Variants in SLC6A18 observed in about 807,000 individuals in gnomAD.
SLC6A18 encodes the protein inactive sodium-dependent neutral amino acid transporter B(0)AT3.
In SLC6A18, 58 loss-of-function variants were observed where a neutral mutation model predicts 62.9. The observed-to-expected ratio is 0.92, with a 90% CI of 0.75 to 1.15. The LOEUF is 1.15. Ranked by LOEUF, SLC6A18 falls within the 50% of genes most tolerant of loss-of-function variation. The pLI, the probability that SLC6A18 is intolerant of heterozygous loss-of-function variation, is 0.00. For synonymous variants in SLC6A18, 382 were observed against 365.8 expected (o/e 1.04, Z -0.51); for missense variants, 793 against 836.6 (o/e 0.95, Z 0.64).
intron 1 of SLC6A18, among the ~76,000 whole-genome samples, chr5:1,227,291 GC>G (rs1362614006): frequency 1.3e-5 from 2 of 152,200 alleles, no homozygotes; most frequent in Admixed American, 1.3e-4. Flanking sequence ...AGCTGGGGAG[GC>G]CCCCACCTGG....
chr5:1,243,799 A>C lies in SLC6A18; in HGVS notation c.1336+40A>C, dbSNP rs1315527768. Reference sequence around the variant, plus strand: ...CCGCCGCCCTGGAGGACCCGTCCCCAGCATCTGACTGTCCACTCCCGCCCG... The same window carrying C: ...CCGCCGCCCTGGAGGACCCGTCCCCCGCATCTGACTGTCCACTCCCGCCCG... On this transcript the variant is annotated intron_variant, in intron 9 of 11. Transcript: ENST00000324642. This position sits in a 1 kb window ranked among gnomAD's most constrained non-coding sequence, Gnocchi z 6.5. The C allele has an allele frequency of 1.3e-6, 2 of 1,541,532 alleles. No homozygotes were observed. The highest frequency in any genetic ancestry group is 3.6e-5 in the Admixed American group (2 of 55,302).
Position 1,243,375 on chromosome 5 carries a change from G to A in SLC6A18, c.1132-180G>A, listed in dbSNP as rs1163873674. Reference sequence around the variant, plus strand: ...GAAGGACCCTCCCCTGCAGAGTTGCGCTTGCAGCCTCGTCTCCCAGAAGGC... The same window carrying A: ...GAAGGACCCTCCCCTGCAGAGTTGCACTTGCAGCCTCGTCTCCCAGAAGGC... On this transcript the variant is annotated intron_variant, in intron 8 of 11. Transcript: ENST00000324642. This position sits in a 1 kb window ranked among gnomAD's most constrained non-coding sequence, Gnocchi z 6.5. Among the ~76,000 whole-genome samples the A allele has an allele frequency of 1.3e-5, 2 of 152,166 alleles. No individual in the cohort carries two copies. Among genetic ancestry groups the A allele is most frequent in the Admixed American group, 6.5e-5 (1 of 15,282 alleles).
chr5:1,231,134 G>A (rs1746720618), intron 1 of SLC6A18, among the ~76,000 whole-genome samples: 1 of 152,186 alleles, frequency 6.6e-6, no homozygotes, highest in African/African-American at 2.4e-5. Flanking sequence ...GGGCCAGGAG[G>A]GTCTGTGGAC....
intron 3 of SLC6A18, among the ~76,000 whole-genome samples, chr5:1,233,945 G>C (rs1480473190): frequency 1.3e-5 from 2 of 152,110 alleles, no homozygotes; most frequent in Admixed American, 1.3e-4. Context: ...GTTTCACCAT[G>C]TTAGCCAGGA....
At chr5:1,226,750 A>G (rs896232888) in intron 1 of SLC6A18, among the ~76,000 whole-genome samples, 15 of 152,178 alleles carry the variant, frequency 9.9e-5, no homozygotes, top group Non-Finnish European at 1.9e-4. Context: ...TGAAAGCACC[A>G]AAGCCCAAGG....
intron 4 of SLC6A18, 46 bp from the exon 5 acceptor site, chr5:1,237,904 G>C (rs1746925621): frequency 6.8e-7 from 1 of 1,476,332 alleles, no homozygotes; most frequent in East Asian, 2.3e-5. Context: ...CTTGTGGACA[G>C]ACCAGAGGCC....
chr5:1,237,621 G>A lies in SLC6A18; in HGVS notation c.622-329G>A, dbSNP rs895163436. Among the ~76,000 whole-genome samples, 97 of 152,176 alleles carry A rather than the reference G, an allele frequency of 6.4e-4. 2 individuals are homozygous for A. The highest frequency in any genetic ancestry group is 8.5e-4 in the Admixed American group (13 of 15,284). On this transcript the variant is annotated intron_variant, in intron 4 of 11. Transcript: ENST00000324642. ...GGTGGCTTGGGAGAGGGAGGCCAGGGAGGGAGTTTGGCCCAGACCCCTCTT... is the reference window on the plus strand; with the variant it reads ...GGTGGCTTGGGAGAGGGAGGCCAGGAAGGGAGTTTGGCCCAGACCCCTCTT...
rs1561177599 is a variant in SLC6A18, at chr5:1,235,714, A to AC, written c.621+56dup. On this transcript the variant is annotated intron_variant, in intron 4 of 11. Coordinates refer to ENST00000324642, the MANE Select transcript of SLC6A18 (RefSeq NM_182632.3). ...TCTCTTGCTTCCTCCAGCCCCCAAG[A>AC]CCCCTCCCCATTGACCTGTGTTCGC... The AC allele has an allele frequency of 6.3e-6, 10 of 1,580,900 alleles. 1 individual carries two copies. In the South Asian group the frequency reaches 1.1e-4, roughly 18 times the overall value.
chr5:1,230,875 G>A (rs918443601), intron 1 of SLC6A18, among the ~76,000 whole-genome samples: 2 of 152,302 alleles, frequency 1.3e-5, no homozygotes, highest in East Asian at 1.9e-4. Context: ...GGGCACAGAC[G>A]TGGAGCTGCA....
intron 1 of SLC6A18, among the ~76,000 whole-genome samples, chr5:1,226,670 G>A (rs762049820): frequency 9.2e-5 from 14 of 152,186 alleles, no homozygotes; most frequent in Admixed American, 1.3e-4. Context: ...TCTCTTTGGG[G>A]CTTTGGGGCT....
At chr5:1,234,000 CA>C (rs1472179310) in intron 3 of SLC6A18, among the ~76,000 whole-genome samples, 1 of 152,184 alleles carries the variant, frequency 6.6e-6, no homozygotes, top group Non-Finnish European at 1.5e-5. Flanking sequence ...CTCGGCCTCC[CA>C]AAGTGCTGGG....
In SLC6A18 at chr5:1,243,792, C is replaced by T. The variant is rs761033923; in HGVS notation, c.1336+33C>T. On this transcript the variant is annotated intron_variant, in intron 9 of 11. Coordinates refer to ENST00000324642, the MANE Select transcript of SLC6A18 (RefSeq NM_182632.3). This position sits in a 1 kb window ranked among gnomAD's most constrained non-coding sequence, Gnocchi z 6.5. ...CACAGCTCCGCCGCCCTGGAGGACCCGTCCCCAGCATCTGACTGTCCACTC... is the reference window on the plus strand; with the variant it reads ...CACAGCTCCGCCGCCCTGGAGGACCTGTCCCCAGCATCTGACTGTCCACTC... The T allele has an allele frequency of 9.7e-6, 15 of 1,550,424 alleles. No homozygotes were observed. The highest frequency in any genetic ancestry group is 4.5e-5 in the East Asian group (2 of 44,110).
intron 3 of SLC6A18, among the ~76,000 whole-genome samples, chr5:1,233,116 C>T (rs369080765): frequency 9.2e-5 from 14 of 152,214 alleles, no homozygotes; most frequent in South Asian, 2.1e-4. Flanking sequence ...CTGCCAGGTC[C>T]GGACCACCGA....
rs201420648 is a variant in SLC6A18 at position 1,242,844 on chromosome 5, T to C, written c.1112T>C (p.Leu371Pro). 2 of 1,611,102 alleles carry C rather than the reference T, an allele frequency of 1.2e-6. No individual in the cohort carries two copies. The highest frequency in any genetic ancestry group is 1.7e-6 in the Non-Finnish European group (2 of 1,178,404). The change falls in exon 8 of 12, where the codon CTG becomes CCG. Residue 371 changes from leucine (L) to proline (P), a missense_variant. Transcript: ENST00000324642. ...VAQLPLKACL[L>P]EDFLDKSASG... is the part of the protein sequence containing the mutation. ...CAGCTCCCCCTGAAGGCCTGCCTCC[T>C]GGAAGACTTTCTGGATAAGGTACCT... is the stretch of plus-strand genomic sequence containing the variant.
rs771860200 is a variant in SLC6A18 at position 1,225,592 on chromosome 5, G to C, written c.115G>C (p.Gly39Arg). The C allele has an allele frequency of 6.2e-7, 1 of 1,608,136 alleles. No individual in the cohort carries two copies. The highest frequency in any genetic ancestry group is 1.1e-5 in the South Asian group (1 of 90,112). The change falls in exon 1 of 12, where the codon GGG becomes CGG. Residue 39 changes from glycine to arginine, a missense_variant. Coordinates refer to ENST00000324642, the MANE Select transcript of SLC6A18 (RefSeq NM_182632.3). Reference protein sequence around the residue: ...LSCTGFAVGLGNIWRFPYLCQ... With the variant: ...LSCTGFAVGLRNIWRFPYLCQ... Reference sequence around the variant, plus strand: ...CTGCACTGGGTTTGCCGTGGGACTGGGGAACATTTGGCGGTTCCCATACCT... The same window carrying C: ...CTGCACTGGGTTTGCCGTGGGACTGCGGAACATTTGGCGGTTCCCATACCT...
In SLC6A18 at chr5:1,246,066, G is replaced by C. The variant is rs776998937; in HGVS notation, c.1875G>C (p.Thr625=). 1.5e-5 allele frequency: 23 copies of C among 1,584,286 alleles called. No individual in the cohort carries two copies. In the Admixed American group the frequency reaches 2.1e-4, roughly 14 times the overall value. ...TRPDTDMRPD[T]DMR ...CAGACACGGACATGCGCCCGGACAC[G>C]GACATGCGCTGAAGCCGGCCGGAGC... Residue 625 remains threonine, a synonymous_variant, in exon 12 of 12, where the codon ACG becomes ACC. Transcript: ENST00000324642.
chr5:1,240,462 C>A, intron 6 of SLC6A18, 69 bp from the exon 7 acceptor site: 2 of 1,595,302 alleles, frequency 1.3e-6, no homozygotes, highest in Admixed American at 1.7e-5. Context: ...GCCCCCTCCT[C>A]ACTTCCTCCC....
At position 1,243,811 on chromosome 5, in the gene SLC6A18, T is replaced by C. The variant is rs766711024; in HGVS notation, c.1336+52T>C. 3.3e-6 allele frequency: 5 copies of C among 1,506,742 alleles called. No homozygotes were observed. The highest frequency in any genetic ancestry group is 4.5e-6 in the Non-Finnish European group (5 of 1,119,252). The allele number at this position is 1,506,742 out of a possible 1,614,324, so 93.3% of individuals were successfully genotyped here. ...AGGACCCGTCCCCAGCATCTGACTG[T>C]CCACTCCCGCCCGCTGTCCAGACGC... On this transcript the variant is annotated intron_variant, in intron 9 of 11. Coordinates refer to ENST00000324642, the MANE Select transcript of SLC6A18 (RefSeq NM_182632.3). The surrounding 1 kb of genome is among the most constrained non-coding windows in gnomAD (Gnocchi z 6.5).
intron 5 of SLC6A18, 67 bp downstream of exon 5, chr5:1,238,127 T>G: frequency 7.9e-7 from 1 of 1,268,644 alleles, no homozygotes; most frequent in Non-Finnish European, 1.1e-6. Flanking sequence ...GGCCAGCAGC[T>G]CCCTCCCTCA....
Sources: allele counts gnomAD v4.1 joint callset (sites outside exome capture counted in the v4.1 genomes callset), GRCh38; gene constraint gnomAD v4.1.1; non-coding constraint Gnocchi (gnomAD v3.1); transcripts MANE v1.5; gene names NCBI Gene and HGNC (gene_info 2026-07-23, HGNC 2026-07-21).